ABCA13: variants seen among roughly 807,000 people sequenced by gnomAD.
The protein encoded by ABCA13 is ATP binding cassette subfamily A member 13.
In ABCA13, 476 loss-of-function variants were observed where a neutral mutation model predicts 478.7. The ratio of observed to expected loss-of-function variants is 0.99; its 90% CI spans 0.92 to 1.07. ABCA13 has a LOEUF of 1.07. Among genes scored for constraint, ABCA13 ranks in the 50% least tolerant of loss-of-function variants. The probability of loss-of-function intolerance (pLI) is 0.00; values close to 1 mark genes in which losing one functional copy is unlikely to be tolerated. For missense variants in ABCA13, 6,060 were observed against 5,910.6 expected (o/e 1.03, Z -0.83); for synonymous variants, 2,252 against 2,158.9 (o/e 1.04, Z -1.20).
At chr7:48,573,271 A>T (rs2131330604) in intron 55 of ABCA13, among the ~76,000 whole-genome samples, 1 of 152,204 alleles carries the variant, frequency 6.6e-6, no homozygotes, top group African/African-American at 2.4e-5. Context: ...AAACTATGTT[A>T]AAGTCTATGT....
At chr7:48,362,409 CTT>C (rs35795708) in intron 31 of ABCA13, among the ~76,000 whole-genome samples, 111 of 85,988 alleles carry the variant, frequency 1.3e-3, no homozygotes, top group Middle Eastern at 7.6e-3. Flanking sequence ...TCCTCTTCTT[CTT>C]TTTTTTTTTT....
Position 48,646,319 on chromosome 7 carries a change from G to A in ABCA13, c.*807G>A, listed in dbSNP as rs1795432326. The stretch of plus-strand genomic sequence containing the variant: ...AAGTCAGTGTTTTTCAAAGCGTAGT[G>A]GTCCCCATATTAGCTGCATTGCCAT... On this transcript the variant is annotated 3_prime_UTR_variant, in exon 62 of 62. Coordinates refer to ENST00000435803, the MANE Select transcript of ABCA13 (RefSeq NM_152701.5). 6.6e-6 allele frequency: 1 copy of A among 152,138 alleles called. No individual in the cohort carries two copies. Among genetic ancestry groups the A allele is most frequent in the African/African-American group, 2.4e-5 (1 of 41,518 alleles). 9.4% of individuals were successfully genotyped at this position (152,138 alleles called of 1,614,324 possible). A position where few individuals can be genotyped will look rare whatever the true frequency, so the allele number is the denominator to read the frequency against.
chr7:48,533,456 T>C (rs951767969), intron 55 of ABCA13, among the ~76,000 whole-genome samples: 3 of 152,116 alleles, frequency 2.0e-5, no homozygotes, highest in African/African-American at 7.2e-5. Context: ...TGCTAATGAA[T>C]AGAATGTATA....
At chr7:48,378,820 A>G (rs1431517827) in intron 35 of ABCA13, among the ~76,000 whole-genome samples, 4 of 152,238 alleles carry the variant, frequency 2.6e-5, no homozygotes, top group African/African-American at 4.8e-5. Flanking sequence ...CCATGTTTTC[A>G]TCAAGCCATA....
chr7:48,235,575 G>T (rs1789824721), intron 8 of ABCA13, among the ~76,000 whole-genome samples: 1 of 152,206 alleles, frequency 6.6e-6, no homozygotes, highest in African/African-American at 2.4e-5. Context: ...TTTTATCATA[G>T]TGTTCTGGAG....
At chr7:48,248,582 T>C in intron 14 of ABCA13, 138 bp downstream of exon 14, 1 of 721,236 alleles carries the variant, frequency 1.4e-6, no homozygotes, top group Non-Finnish European at 2.1e-6. Flanking sequence ...TTTAAAAATA[T>C]TAACCTACTG....
chr7:48,429,326 C>G (rs954092353), intron 42 of ABCA13, among the ~76,000 whole-genome samples: 30 of 152,174 alleles, frequency 2.0e-4, no homozygotes, highest in African/African-American at 7.2e-4. Flanking sequence ...TCATATGTTT[C>G]AATCATTTGA....
chr7:48,454,571 A>C (rs1825422034), intron 42 of ABCA13, among the ~76,000 whole-genome samples: 2 of 147,270 alleles, frequency 1.4e-5, no homozygotes, highest in Non-Finnish European at 1.5e-5. Context: ...GGGAAGTGGA[A>C]GGCGCCGGGA....
chr7:48,262,826 G>A (rs1273887769), intron 15 of ABCA13, among the ~76,000 whole-genome samples: 1 of 151,922 alleles, frequency 6.6e-6, no homozygotes, highest in Non-Finnish European at 1.5e-5. Flanking sequence ...TTGACAGCTA[G>A]CAACTGAAAG....
rs1355263213 is a variant in ABCA13 at position 48,278,432 on chromosome 7, T to C, written c.7238T>C (p.Leu2413Pro). The C allele has an allele frequency of 1.2e-5, 20 of 1,613,996 alleles. No homozygotes were observed. The highest frequency in any genetic ancestry group is 1.7e-5 in the Admixed American group (1 of 60,026). The change falls in exon 18 of 62, where the codon CTT (leucine) becomes CCT (proline). Residue 2413 changes from leucine to proline, a missense_variant. Around this residue, in one of 3 missense-constraint regions of ABCA13, gnomAD observed 4,423 missense variants for 4,309.1 expected, o/e 1.03. Coordinates refer to ENST00000435803, the MANE Select transcript of ABCA13 (RefSeq NM_152701.5). ...FKLNQDLGSA[L>P]HLVRECSTEM... ...CTCAATCAAGATCTTGGGTCAGCTC[T>C]TCACCTTGTAAGAGAATGTTCAACA...
At chr7:48,622,355 C>T (rs994117939) in intron 59 of ABCA13, among the ~76,000 whole-genome samples, 2 of 152,194 alleles carry the variant, frequency 1.3e-5, no homozygotes, top group African/African-American at 4.8e-5. Flanking sequence ...ACACCTGTGC[C>T]ATTTTCCTCT....
intron 1 of ABCA13, among the ~76,000 whole-genome samples, chr7:48,191,850 T>C (rs1797150919): frequency 6.6e-6 from 1 of 152,232 alleles, no homozygotes. Context: ...CAATGGGATA[T>C]GACCATGGCA....
intron 39 of ABCA13, among the ~76,000 whole-genome samples, chr7:48,407,132 T>C (rs1458389181): frequency 6.6e-6 from 1 of 152,172 alleles, no homozygotes; most frequent in Non-Finnish European, 1.5e-5. Flanking sequence ...TGACTCCTTA[T>C]ATCCATGGGT....
chr7:48,350,928 G>C (rs1808875348), intron 30 of ABCA13, 109 bp downstream of exon 30: 1 of 1,116,856 alleles, frequency 9.0e-7, no homozygotes, highest in South Asian at 1.7e-5. Context: ...AAGAAAAGAA[G>C]TCCTTTCCAG....
intron 55 of ABCA13, among the ~76,000 whole-genome samples, chr7:48,556,730 A>T (rs541649946): frequency 6.6e-6 from 1 of 151,978 alleles, no homozygotes; most frequent in East Asian, 1.9e-4. Flanking sequence ...TAGGCAGCAG[A>T]TCATTGAGTC....
intron 59 of ABCA13, among the ~76,000 whole-genome samples, chr7:48,642,607 A>G (rs1389625281): frequency 6.6e-6 from 1 of 152,110 alleles, no homozygotes; most frequent in African/African-American, 2.4e-5. Flanking sequence ...AAGGGAGTAG[A>G]ATAATTCATA....
chr7:48,512,794 T>G (rs949188672), intron 51 of ABCA13, among the ~76,000 whole-genome samples: 1 of 152,238 alleles, frequency 6.6e-6, no homozygotes, highest in Non-Finnish European at 1.5e-5. Flanking sequence ...AAAGAATTTC[T>G]GGAGATTCAC....
At chr7:48,234,264 G>A in intron 8 of ABCA13, 113 bp downstream of exon 8, 2 of 1,493,846 alleles carry the variant, frequency 1.3e-6, no homozygotes, top group South Asian at 1.1e-5. Flanking sequence ...CCAGACAGGA[G>A]AGTTCGGTCA....
chr7:48,455,029 T>C lies in ABCA13; in HGVS notation c.12566-8T>C, dbSNP rs1312612687. The C allele has an allele frequency of 5.4e-6, 8 of 1,494,058 alleles. No individual in the cohort carries two copies. The highest frequency in any genetic ancestry group is 7.1e-6 in the Non-Finnish European group (8 of 1,122,698). 92.6% of individuals were successfully genotyped at this position (1,494,058 alleles called of 1,614,324 possible). Reference sequence around the variant, plus strand: ...ACCCAGCCGCCCTTCCTCCCGCCCGTCCTGCAGGTGGCTCCCTAGCACGGC... The same window carrying C: ...ACCCAGCCGCCCTTCCTCCCGCCCGCCCTGCAGGTGGCTCCCTAGCACGGC... On this transcript the variant is annotated splice_region_variant and splice_polypyrimidine_tract_variant and intron_variant, in intron 42 of 61. Coordinates refer to ENST00000435803, the MANE Select transcript of ABCA13 (RefSeq NM_152701.5).
Sources: allele counts gnomAD v4.1 joint callset (sites outside exome capture counted in the v4.1 genomes callset), GRCh38; gene constraint gnomAD v4.1.1; regional missense constraint gnomAD v4.1.1; transcripts MANE v1.5; gene names NCBI Gene and HGNC (gene_info 2026-07-23, HGNC 2026-07-21).